SH3RF3: variants seen among roughly 807,000 people sequenced by gnomAD.
SH3RF3 encodes the protein SH3 domain containing ring finger 3, also known as E3 ubiquitin-protein ligase SH3RF3.
A neutral mutation model predicts 66.3 loss-of-function variants in SH3RF3; 29 were observed. The observed-to-expected ratio is 0.44, with a 90% CI of 0.33 to 0.60. The LOEUF (loss-of-function observed/expected upper bound fraction) is 0.60. Ranked by LOEUF, SH3RF3 falls within the 20% of genes least tolerant of loss-of-function variation. The probability of loss-of-function intolerance (pLI) is 0.04; values close to 1 mark genes in which losing one functional copy is unlikely to be tolerated. For synonymous variants in SH3RF3, 583 were observed against 532.0 expected, an observed-to-expected ratio of 1.10 and a Z score of -1.32; for missense variants, 1,194 against 1,190.9, an observed-to-expected ratio of 1.00 and a Z score of -0.04.
intron 1 of SH3RF3, among the ~76,000 whole-genome samples, chr2:109,242,219 G>C (rs991507919): frequency 4.6e-5 from 7 of 151,972 alleles, no homozygotes; most frequent in African/African-American, 1.5e-4. Flanking sequence ...TCTCAACTTT[G>C]GTAGCACCTT....
intron 1 of SH3RF3, among the ~76,000 whole-genome samples, chr2:109,253,073 G>A (rs1003405415): frequency 6.6e-6 from 1 of 151,792 alleles, no homozygotes; most frequent in Admixed American, 6.6e-5. Context: ...TGTTGCCCAG[G>A]CTGGAGTGCA....
intron 1 of SH3RF3, among the ~76,000 whole-genome samples, chr2:109,229,859 C>T (rs60502044): frequency 0.077 from 10,938 of 141,912 alleles, 714 homozygotes; most frequent in East Asian, 0.32. Flanking sequence ...GAGTCTCGCT[C>T]TGTTGCCCAG....
chr2:109,337,102 T>C lies in SH3RF3; in HGVS notation c.574-10572T>C, dbSNP rs143438626. Among the ~76,000 whole-genome samples, 333 of 152,370 alleles carry C rather than the reference T, an allele frequency of 2.2e-3. 1 individual carries two copies. Among genetic ancestry groups the C allele is most frequent in the Non-Finnish European group, 3.2e-3 (220 of 68,042 alleles). ...ATCCTAAATGTAAATTCAGGACTTG[T>C]AGTTTTCACATTTTTGTGTTATGTA... On this transcript the variant is annotated intron_variant, in intron 1 of 9. Transcript: ENST00000309415.
rs1322289224 is a variant in SH3RF3 at position 109,129,841 on chromosome 2, G to C, written c.301G>C (p.Val101Leu). The C allele has an allele frequency of 6.5e-7, 1 of 1,532,682 alleles. No homozygotes were observed. Among genetic ancestry groups the C allele is most frequent in the Admixed American group, 2.0e-5 (1 of 50,348 alleles). 94.9% of individuals were successfully genotyped at this position (1,532,682 alleles called of 1,614,324 possible). ...GCGCTGCCCCGAGTGCCGCATCCTG[G>C]TGGGCTGCGGCGTGGACGAACTGCC... ...ELRCPECRIL[V>L]GCGVDELPAN... Residue 101 changes from valine (V) to leucine (L), a missense_variant, in exon 1 of 10, where the codon GTG becomes CTG. Val to Leu is a conservative substitution (Grantham distance 32). Coordinates refer to ENST00000309415, the MANE Select transcript of SH3RF3 (RefSeq NM_001099289.3).
At chr2:109,324,830 C>T (rs767956671) in intron 1 of SH3RF3, among the ~76,000 whole-genome samples, 6 of 152,190 alleles carry the variant, frequency 3.9e-5, no homozygotes, top group Middle Eastern at 3.2e-3. Flanking sequence ...CAGTACTCTC[C>T]GTCCCTCTCC....
intron 1 of SH3RF3, among the ~76,000 whole-genome samples, chr2:109,283,994 G>A (rs558454974): frequency 1.3e-5 from 2 of 152,150 alleles, no homozygotes; most frequent in East Asian, 1.9e-4. Flanking sequence ...GTTTTTCCAG[G>A]AGAGCTTGCC....
At chr2:109,199,617 T>TCAAC in intron 1 of SH3RF3, among the ~76,000 whole-genome samples, 4 of 258 alleles carry the variant, frequency 0.016, no homozygotes, top group African/African-American at 0.024. Flanking sequence ...TGGAATGGAA[T>TCAAC]GGAATGGAAT....
chr2:109,147,085 G>A (rs1051672243), intron 1 of SH3RF3, among the ~76,000 whole-genome samples: 1 of 151,928 alleles, frequency 6.6e-6, no homozygotes, highest in East Asian at 1.9e-4. Flanking sequence ...CTTCTTCCCT[G>A]TCTCGTTTTC....
intron 8 of SH3RF3, among the ~76,000 whole-genome samples, chr2:109,481,784 G>A (rs1182362337): frequency 2.0e-5 from 3 of 152,180 alleles, no homozygotes; most frequent in Non-Finnish European, 2.9e-5. Flanking sequence ...CCTCTGCACC[G>A]AGACAACTGC....
intron 2 of SH3RF3, among the ~76,000 whole-genome samples, chr2:109,368,458 A>G (rs1280356774): frequency 5.3e-5 from 8 of 152,114 alleles, no homozygotes; most frequent in African/African-American, 1.9e-4. Flanking sequence ...TGATTGGCCA[A>G]TTTTAGTAAC....
In SH3RF3 at chr2:109,419,648, C is replaced by T; in HGVS notation, c.1403+6C>T. ...GTCCAGCTGCCCCTCAACGTGTGAG[C>T]TGCCCTTTGTGTCTGTCGGGGTCCT... On this transcript the variant is annotated splice_donor_region_variant and intron_variant, in intron 5 of 9. Transcript: ENST00000309415. 1 of 1,567,340 alleles carries T rather than the reference C, an allele frequency of 6.4e-7. No individual in the cohort carries two copies. Among genetic ancestry groups the T allele is most frequent in the Non-Finnish European group, 8.6e-7 (1 of 1,158,398 alleles).
intron 1 of SH3RF3, among the ~76,000 whole-genome samples, chr2:109,302,594 G>A (rs1033641463): frequency 4.6e-5 from 7 of 152,152 alleles, no homozygotes; most frequent in African/African-American, 1.7e-4. Context: ...AATTTTGACA[G>A]TGCTAAATTT....
chr2:109,130,671 A>T (rs554353023), intron 1 of SH3RF3, among the ~76,000 whole-genome samples: 1 of 152,018 alleles, frequency 6.6e-6, no homozygotes, highest in Non-Finnish European at 1.5e-5. Flanking sequence ...GAGCCTTTTG[A>T]CCCAGCCCTT....
At chr2:109,144,673 C>A (rs376060889) in intron 1 of SH3RF3, among the ~76,000 whole-genome samples, 17 of 152,344 alleles carry the variant, frequency 1.1e-4, no homozygotes, top group Admixed American at 3.9e-4. Flanking sequence ...TTCCCCGAGT[C>A]CTTATGCCAC....
chr2:109,398,000 G>T (rs954420039), intron 3 of SH3RF3, among the ~76,000 whole-genome samples: 1 of 152,228 alleles, frequency 6.6e-6, no homozygotes, highest in Admixed American at 6.5e-5. Context: ...CCTGGGGTAT[G>T]CTCAGGCCAG....
chr2:109,255,743 G>A (rs1190080831), intron 1 of SH3RF3, among the ~76,000 whole-genome samples: 1 of 152,186 alleles, frequency 6.6e-6, no homozygotes, highest in Non-Finnish European at 1.5e-5. Context: ...TACTTCTAGG[G>A]CCAGAATCTC....
At chr2:109,169,245 A>C (rs1677698211) in intron 1 of SH3RF3, among the ~76,000 whole-genome samples, 1 of 152,246 alleles carries the variant, frequency 6.6e-6, no homozygotes, top group Non-Finnish European at 1.5e-5. Flanking sequence ...CTAAGCATTT[A>C]AAATCATTTG....
chr2:109,477,030 T>A (rs1477901829), intron 8 of SH3RF3, among the ~76,000 whole-genome samples: 5 of 152,316 alleles, frequency 3.3e-5, no homozygotes, highest in Middle Eastern at 3.4e-3. Flanking sequence ...ATCTGTGCCT[T>A]GTGCTGACCT....
intron 5 of SH3RF3, among the ~76,000 whole-genome samples, chr2:109,419,909 G>T (rs1676826971): frequency 6.6e-6 from 1 of 152,228 alleles, no homozygotes; most frequent in Non-Finnish European, 1.5e-5. Flanking sequence ...GTCAACAGGA[G>T]AGGAGCCAGC....
Sources: allele counts gnomAD v4.1 joint callset (sites outside exome capture counted in the v4.1 genomes callset), GRCh38; gene constraint gnomAD v4.1.1; transcripts MANE v1.5; gene names NCBI Gene and HGNC (gene_info 2026-07-23, HGNC 2026-07-21).